Variants in YPEL2 observed in about 807,000 individuals in gnomAD.
YPEL2 encodes yippee like 2.
Under a neutral mutation model 19.1 loss-of-function variants are expected in YPEL2, and 2 were observed. That is an observed-to-expected ratio of 0.10 (90% CI 0.04 to 0.33). The LOEUF (loss-of-function observed/expected upper bound fraction) is 0.33. YPEL2 is among the 10% of genes least tolerant of loss of function. The probability of loss-of-function intolerance (pLI) is 1.00; values close to 1 mark genes in which losing one functional copy is unlikely to be tolerated. For missense variants in YPEL2, 66 were observed against 140.7 expected, an observed-to-expected ratio of 0.47 and a Z score of 2.68; for synonymous variants, 52 against 50.0, an observed-to-expected ratio of 1.04 and a Z score of -0.17.
intron 2 of YPEL2, among the ~76,000 whole-genome samples, chr17:59,379,661 T>A (rs947148546): frequency 1.3e-5 from 2 of 152,240 alleles, no homozygotes; most frequent in Admixed American, 6.5e-5. Flanking sequence ...GAAAATGTTC[T>A]GGAAATAGTG....
chr17:59,354,013 G>T, intron 2 of YPEL2: 3 of 243,412 alleles, frequency 1.2e-5, no homozygotes, highest in South Asian at 5.1e-5. Flanking sequence ...TTGTTGAAGA[G>T]CTGACCTTCT....
chr17:59,371,027 C>T (rs754557644), intron 2 of YPEL2, among the ~76,000 whole-genome samples: 41 of 152,058 alleles, frequency 2.7e-4, no homozygotes, highest in Non-Finnish European at 4.9e-4. Flanking sequence ...GGAGGGATTC[C>T]AGCCCCCAGC....
intron 2 of YPEL2, among the ~76,000 whole-genome samples, chr17:59,376,434 T>C (rs2047921197): frequency 6.6e-6 from 1 of 152,156 alleles, no homozygotes; most frequent in African/African-American, 2.4e-5. Context: ...GGCAGACTGG[T>C]CTGGAACTCC....
chr17:59,370,079 C>T (rs995384498), intron 2 of YPEL2, among the ~76,000 whole-genome samples: 7 of 152,176 alleles, frequency 4.6e-5, no homozygotes, highest in African/African-American at 9.6e-5. Context: ...CTTTTTGAGA[C>T]GGAGTCTCGC....
chr17:59,390,571 A>T (rs1438023749), intron 4 of YPEL2, among the ~76,000 whole-genome samples: 1 of 152,246 alleles, frequency 6.6e-6, no homozygotes, highest in Non-Finnish European at 1.5e-5. Flanking sequence ...GTCAGATGTG[A>T]TCATGGCTGG....
intron 3 of YPEL2, chr17:59,389,053 C>T: frequency 2.6e-6 from 1 of 381,020 alleles, no homozygotes; most frequent in East Asian, 5.3e-5. Flanking sequence ...CACAGTGTGG[C>T]TGTCAGCTTG....
intron 2 of YPEL2, among the ~76,000 whole-genome samples, chr17:59,378,347 CTTT>C (rs35976467): frequency 1.8e-4 from 26 of 142,008 alleles, no homozygotes; most frequent in Non-Finnish European, 2.8e-4. Context: ...GAGTCTCCTC[CTTT>C]TTTTTTTTTT....
rs1214449887 is a variant in YPEL2 at position 59,339,499 on chromosome 17, C to T, written c.-196+7675C>T. 2.0e-5 allele frequency among the ~76,000 whole-genome samples: 3 copies of T among 152,124 alleles called. No individual in the cohort carries two copies. In the East Asian group the frequency reaches 5.8e-4, roughly 29 times the overall value. The stretch of plus-strand genomic sequence containing the variant: ...ATCCCTCATTTGTTTTCTCCCATTT[C>T]GGCAATTTAATGTTGAAGCATTGAG... On this transcript the variant is annotated intron_variant, in intron 1 of 4. Transcript: ENST00000312655.
chr17:59,396,754 A>G (rs891017554), intron 4 of YPEL2, among the ~76,000 whole-genome samples: 3 of 152,158 alleles, frequency 2.0e-5, no homozygotes, highest in African/African-American at 7.2e-5. Flanking sequence ...TTGGCCGGGT[A>G]TGGTGGCTCA....
At chr17:59,334,571 A>AGCAC (rs1555568490) in intron 1 of YPEL2, among the ~76,000 whole-genome samples, 1 of 145,122 alleles carries the variant, frequency 6.9e-6, no homozygotes, top group South Asian at 2.2e-4. Context: ...TTCAGGCACA[A>AGCAC]ACACACACAC....
Position 59,386,476 on chromosome 17 carries a change from A to G in YPEL2, c.118-1851A>G, listed in dbSNP as rs140120913. Among the ~76,000 whole-genome samples, 970 of 152,334 alleles carry G rather than the reference A, an allele frequency of 6.4e-3. 3 individuals carry two copies. Among genetic ancestry groups the G allele is most frequent in the Middle Eastern group, 0.02 (6 of 294 alleles). On this transcript the variant is annotated intron_variant, in intron 2 of 4. Coordinates refer to ENST00000312655, the MANE Select transcript of YPEL2 (RefSeq NM_001005404.4). ...GCTGAGGCTTATTGGGTCAGGTGGA[A>G]GAGCCTCCCCATCAGAGGGAACTTC...
Position 59,399,307 on chromosome 17 carries a change from TGTCCTGGCTGTTTATTGATA to T in YPEL2, c.*2123_*2142del, listed in dbSNP as rs1187679833. 5.2e-5 allele frequency: 8 copies of T among 152,510 alleles called. No homozygotes were observed. The highest frequency in any genetic ancestry group is 1.7e-4 in the African/African-American group (7 of 41,446). 9.4% of individuals were successfully genotyped at this position (152,510 alleles called of 1,614,324 possible). A position where few individuals can be genotyped will look rare whatever the true frequency, so the allele number is the denominator to read the frequency against. ...TTCATTGGACTCTTTCCTCAGCGATTGTCCTGGCTGTTTATTGATAGTCCTTCCCATAAGAAAATGGGGTT... is the reference window on the plus strand; with the variant it reads ...TTCATTGGACTCTTTCCTCAGCGATTGTCCTTCCCATAAGAAAATGGGGTT... On this transcript the variant is annotated 3_prime_UTR_variant, in exon 5 of 5. Coordinates refer to ENST00000312655, the MANE Select transcript of YPEL2 (RefSeq NM_001005404.4).
intron 2 of YPEL2, among the ~76,000 whole-genome samples, chr17:59,369,709 G>A (rs1350612618): frequency 1.3e-5 from 2 of 152,240 alleles, no homozygotes; most frequent in African/African-American, 4.8e-5. Context: ...GTACTTGGAA[G>A]ATACACGTGC....
chr17:59,376,949 C>CAAAAAAAAAAAA (rs59030676), intron 2 of YPEL2, among the ~76,000 whole-genome samples: 3 of 48,544 alleles, frequency 6.2e-5, no homozygotes, highest in Non-Finnish European at 9.0e-5. Flanking sequence ...CACACTGTCT[C>CAAAAAAAAAAAA]AAAAAAAAAA....
intron 2 of YPEL2, 95 bp from the exon 3 acceptor site, chr17:59,388,232 C>A: frequency 4.1e-6 from 5 of 1,210,692 alleles, no homozygotes; most frequent in South Asian, 2.4e-5. Flanking sequence ...CTGTGTCAGT[C>A]CTGGAAGGTC....
chr17:59,392,507 G>GTTTTT (rs3063116), intron 4 of YPEL2, among the ~76,000 whole-genome samples: 22 of 103,172 alleles, frequency 2.1e-4, no homozygotes, highest in Admixed American at 4.3e-4. Context: ...CTCAGGGCAC[G>GTTTTT]TTTTTTTTTT....
intron 4 of YPEL2, among the ~76,000 whole-genome samples, chr17:59,393,501 A>ATTTTTTT (rs1228313372): frequency 6.9e-6 from 1 of 144,114 alleles, no homozygotes; most frequent in South Asian, 2.2e-4. Context: ...TTTATTTTTT[A>ATTTTTTT]TTTTTTTATT....
chr17:59,392,092 C>T (rs1255344865), intron 4 of YPEL2, among the ~76,000 whole-genome samples: 1 of 152,080 alleles, frequency 6.6e-6, no homozygotes, highest in African/African-American at 2.4e-5. Context: ...TGTGGTTATC[C>T]AGAAATGTTC....
At chr17:59,352,044 C>T (rs1191625020) in intron 1 of YPEL2, among the ~76,000 whole-genome samples, 1 of 152,142 alleles carries the variant, frequency 6.6e-6, no homozygotes, top group Non-Finnish European at 1.5e-5. Flanking sequence ...AAAAAGAGGA[C>T]GATGATTTGC....
Sources: gnomAD v4.1 joint callset for allele counts (sites outside exome capture counted in the v4.1 genomes callset) on GRCh38, gnomAD v4.1.1 for gene constraint, MANE v1.5 for transcripts, NCBI Gene and HGNC (gene_info 2026-07-23, HGNC 2026-07-21) for gene names.